The following NAP1L1 variants were observed in gnomAD, a reference collection of about 807,000 sequenced individuals.
NAP1L1 encodes the protein nucleosome assembly protein 1-like 1.
In NAP1L1, 9 loss-of-function variants were observed where a neutral mutation model predicts 58.9. That is an observed-to-expected ratio of 0.15 (90% CI 0.09 to 0.27). The LOEUF is 0.27. Among genes scored for constraint, NAP1L1 ranks in the 10% least tolerant of loss-of-function variants. The pLI is 1.00. For synonymous variants in NAP1L1, 130 were observed against 138.3 expected (o/e 0.94, Z 0.42); for missense variants, 302 against 458.8 (o/e 0.66, Z 3.12).
intron 1 of NAP1L1, among the ~76,000 whole-genome samples, chr12:76,080,152 T>C (rs2137115665): frequency 6.6e-6 from 1 of 152,324 alleles, no homozygotes; most frequent in South Asian, 2.1e-4. Context: ...GGACTGCATA[T>C]ACAACAGTGA....
intron 7 of NAP1L1, among the ~76,000 whole-genome samples, chr12:76,055,570 C>T (rs1949044418): frequency 6.6e-6 from 1 of 152,214 alleles, no homozygotes; most frequent in Non-Finnish European, 1.5e-5. Flanking sequence ...TAGGGGCTCA[C>T]TCAAGAAATG....
At chr12:76,060,411 G>C in intron 4 of NAP1L1, 132 bp from the exon 5 acceptor site, 1 of 846,622 alleles carries the variant, frequency 1.2e-6, no homozygotes, top group African/African-American at 1.7e-5. Flanking sequence ...TAGATTCAAA[G>C]TAAATAAAAA....
intron 6 of NAP1L1, chr12:76,059,509 C>A: frequency 3.2e-6 from 1 of 310,826 alleles, no homozygotes; most frequent in South Asian, 5.3e-5. Flanking sequence ...AACTTTAAGT[C>A]AGGTGCTGCA....
At chr12:76,070,705 T>C (rs1949915139) in intron 2 of NAP1L1, among the ~76,000 whole-genome samples, 1 of 150,418 alleles carries the variant, frequency 6.6e-6, no homozygotes, top group East Asian at 1.9e-4. Flanking sequence ...TCAGAGTCTA[T>C]GGTGGACTGG....
intron 2 of NAP1L1, chr12:76,073,941 C>A: frequency 5.6e-6 from 2 of 354,012 alleles, no homozygotes; most frequent in South Asian, 7.8e-5. Context: ...ATTTATAATC[C>A]ATTATCATGC....
Position 76,052,849 on chromosome 12 carries a change from T to A in NAP1L1, c.936+242A>T, listed in dbSNP as rs1293879670. On this transcript the variant is annotated intron_variant, in intron 11 of 14. Transcript: ENST00000618691. Reference sequence around the variant, plus strand: ...CAACAGTTTTGAAAAGTTAAATCCCTCACAGCAATATGTGAAGTTTCAAAA... The same window carrying A: ...CAACAGTTTTGAAAAGTTAAATCCCACACAGCAATATGTGAAGTTTCAAAA... Among the ~76,000 whole-genome samples, 5 of 152,186 alleles carry A rather than the reference T, an allele frequency of 3.3e-5. No individual in the cohort carries two copies. In the East Asian group the frequency reaches 9.6e-4, roughly 29 times the overall value.
chr12:76,051,830 C>A (rs1264993805), intron 11 of NAP1L1, among the ~76,000 whole-genome samples: 1 of 152,120 alleles, frequency 6.6e-6, no homozygotes, highest in Admixed American at 6.5e-5. Context: ...GCCTGGCCAA[C>A]ATGGTGAAAC....
rs562226425 is a variant in NAP1L1 at position 76,048,368 on chromosome 12, A to G, written c.*61T>C. On this transcript the variant is annotated 3_prime_UTR_variant, in exon 15 of 15. Transcript: ENST00000618691. Reference sequence around the variant, plus strand: ...TACAAAAACATAAGGCTGTAAGTAAATAAGAGTTGTGTTTAGGCTATTACA... The same window carrying G: ...TACAAAAACATAAGGCTGTAAGTAAGTAAGAGTTGTGTTTAGGCTATTACA... 6.4e-6 allele frequency: 10 copies of G among 1,570,940 alleles called. No homozygotes were observed. The highest frequency in any genetic ancestry group is 3.5e-5 in the Admixed American group (2 of 57,808).
chr12:76,060,249 A>G lies in NAP1L1; in HGVS notation c.237T>C (p.Asn79=). ...ATTTAACTTGCAGGTTTTTGAGAGCATTCACTCGTCTTTTAACTACCCTAG... is the reference window on the plus strand; with the variant it reads ...ATTTAACTTGCAGGTTTTTGAGAGCGTTCACTCGTCTTTTAACTACCCTAG... ...SLPRVVKRRV[N]ALKNLQVKCA... is the part of the protein sequence containing the mutation. The change falls in exon 5 of 15, where the codon AAT becomes AAC. Residue 79 remains asparagine, a synonymous_variant. Coordinates refer to ENST00000618691, the MANE Select transcript of NAP1L1 (RefSeq NM_004537.7). 6.2e-7 allele frequency: 1 copy of G among 1,613,940 alleles called. No individual in the cohort carries two copies. The highest frequency in any genetic ancestry group is 8.5e-7 in the Non-Finnish European group (1 of 1,179,898).
At chr12:76,083,201 T>C (rs1301473016) in intron 1 of NAP1L1, among the ~76,000 whole-genome samples, 3 of 152,164 alleles carry the variant, frequency 2.0e-5, no homozygotes, top group Non-Finnish European at 2.9e-5. Context: ...GGTTGCAGGC[T>C]ACAAACTTGG....
At chr12:76,048,671 T>C (rs573597261) in intron 14 of NAP1L1, among the ~76,000 whole-genome samples, 77 of 152,202 alleles carry the variant, frequency 5.1e-4, no homozygotes, top group Admixed American at 1.0e-3. Flanking sequence ...ATTAACTCCA[T>C]AAAATGTGAC....
chr12:76,067,583 G>T, intron 3 of NAP1L1, 110 bp from the exon 4 acceptor site: 1 of 776,682 alleles, frequency 1.3e-6, no homozygotes, highest in Non-Finnish European at 2.1e-6. Flanking sequence ...ATAAATTGCT[G>T]GTATATCTAA....
At position 76,050,905 on chromosome 12, in the gene NAP1L1, G is replaced by A. The variant is rs570858265; in HGVS notation, c.937-252C>T. 6.0e-5 allele frequency among the ~76,000 whole-genome samples: 9 copies of A among 151,074 alleles called. No individual in the cohort carries two copies. The East Asian group carries it at 1.8e-3, about 29-fold the overall frequency. On this transcript the variant is annotated intron_variant, in intron 11 of 14. Coordinates refer to ENST00000618691, the MANE Select transcript of NAP1L1 (RefSeq NM_004537.7). ...AGGGTGGCACACGCCTGTAGTCTCA[G>A]CTACTTGAGAGGCTGAGGTGGGAAG...
chr12:76,055,984 CA>C (rs1192448434), intron 7 of NAP1L1, 48 bp downstream of exon 7: 1 of 1,588,788 alleles, frequency 6.3e-7, no homozygotes, highest in East Asian at 2.2e-5. Flanking sequence ...ATTTAAACTT[CA>C]AAGGTTTACC....
chr12:76,036,716 T>G lies in NAP1L1; in HGVS notation c.*11713A>C, dbSNP rs1035207294. The G allele has an allele frequency of 2.0e-5, 3 of 152,188 alleles. No individual in the cohort carries two copies. Among genetic ancestry groups the G allele is most frequent in the Admixed American group, 6.5e-5 (1 of 15,278 alleles). The allele number at this position is 152,188 out of a possible 1,614,324, so 9.4% of individuals were successfully genotyped here. A position where few individuals can be genotyped will look rare whatever the true frequency, so the allele number is the denominator to read the frequency against. ...TTGGATAGACCAAAGGTCAAACATCTTTCAAGAAAAAGTTAAAGCCCAGTA... is the reference window on the plus strand; with the variant it reads ...TTGGATAGACCAAAGGTCAAACATCGTTCAAGAAAAAGTTAAAGCCCAGTA... On this transcript the variant is annotated 3_prime_UTR_variant, in exon 15 of 15. Coordinates refer to ENST00000618691, the MANE Select transcript of NAP1L1 (RefSeq NM_004537.7).
chr12:76,041,801 C>T lies in NAP1L1; in HGVS notation c.*6628G>A, dbSNP rs532816553. 4.1e-4 allele frequency: 62 copies of T among 152,286 alleles called. No homozygotes were observed. The highest frequency in any genetic ancestry group is 1.3e-3 in the African/African-American group (53 of 41,574). 9.4% of individuals were successfully genotyped at this position (152,286 alleles called of 1,614,324 possible). On this transcript the variant is annotated 3_prime_UTR_variant, in exon 15 of 15. Coordinates refer to ENST00000618691, the MANE Select transcript of NAP1L1 (RefSeq NM_004537.7). Reference sequence around the variant, plus strand: ...CTCAAGACAGACACCCATGTCACATCCACACCAGTGTCAAGGCTCCAGGTA... The same window carrying T: ...CTCAAGACAGACACCCATGTCACATTCACACCAGTGTCAAGGCTCCAGGTA...
At chr12:76,073,478 C>T (rs1950052048) in intron 2 of NAP1L1, among the ~76,000 whole-genome samples, 1 of 129,260 alleles carries the variant, frequency 7.7e-6, no homozygotes, top group Admixed American at 8.4e-5. Context: ...CATGACCTTG[C>T]CCAATACTTC....
rs1431383084 is a variant in NAP1L1, at chr12:76,045,692, T to C, written c.*2737A>G. On this transcript the variant is annotated 3_prime_UTR_variant, in exon 15 of 15. Coordinates refer to ENST00000618691, the MANE Select transcript of NAP1L1 (RefSeq NM_004537.7). ...TACTAATTTAAGAATCCTAAGAAAT[T>C]ATATATGTGGCTTTCAGACATCCAT... The C allele has an allele frequency of 6.6e-6, 1 of 152,174 alleles. No individual in the cohort carries two copies. Among genetic ancestry groups the C allele is most frequent in the East Asian group, 1.9e-4 (1 of 5,190 alleles). The allele number at this position is 152,174 out of a possible 1,614,324, so 9.4% of individuals were successfully genotyped here.
At chr12:76,082,571 T>C (rs888827516) in intron 1 of NAP1L1, among the ~76,000 whole-genome samples, 17 of 152,330 alleles carry the variant, frequency 1.1e-4, no homozygotes, top group Admixed American at 9.8e-4. Flanking sequence ...AAGTCAGGTT[T>C]TATGACAGAA....
Sources: gnomAD v4.1 joint callset for allele counts (sites outside exome capture counted in the v4.1 genomes callset) on GRCh38, gnomAD v4.1.1 for gene constraint, MANE v1.5 for transcripts, NCBI Gene and HGNC (gene_info 2026-07-23, HGNC 2026-07-21) for gene names.